Variants in ADGRB3 observed in about 807,000 individuals in gnomAD.
ADGRB3 encodes adhesion G protein-coupled receptor B3.
ADGRB3 carries 37 observed loss-of-function variants against 193.4 expected under a neutral mutation model. The observed-to-expected ratio is 0.19, with a 90% CI of 0.15 to 0.25. The LOEUF is 0.25. Ranked by LOEUF, ADGRB3 falls within the 10% of genes least tolerant of loss-of-function variation. The pLI, the probability that ADGRB3 is intolerant of heterozygous loss-of-function variation, is 1.00. For synonymous variants in ADGRB3, 690 were observed against 644.2 expected, an observed-to-expected ratio of 1.07 and a Z score of -1.08; for missense variants, 1,637 against 1,852.9, an observed-to-expected ratio of 0.88 and a Z score of 2.14.
Position 68,880,176 on chromosome 6 carries a change from T to C in ADGRB3, c.758-50383T>C, listed in dbSNP as rs1014980366. Among the ~76,000 whole-genome samples, 3 of 152,074 alleles carry C rather than the reference T, an allele frequency of 2.0e-5. No homozygotes were observed. The East Asian group carries it at 5.8e-4, about 29-fold the overall frequency. ...CAGCCACTGCCTGGGATAAGGGGAG[T>C]GTACTGCAGAGAACTGGCTGATGGC... On this transcript the variant is annotated intron_variant, in intron 3 of 31. Coordinates refer to ENST00000370598, the MANE Select transcript of ADGRB3 (RefSeq NM_001704.3).
intron 30 of ADGRB3, among the ~76,000 whole-genome samples, chr6:69,376,053 T>C (rs929312409): frequency 9.3e-5 from 14 of 150,674 alleles, no homozygotes; most frequent in African/African-American, 3.4e-4. Flanking sequence ...GATAAAAATT[T>C]TCACAGTTTT....
At chr6:69,062,679 C>A (rs182900555) in intron 15 of ADGRB3, among the ~76,000 whole-genome samples, 39 of 152,002 alleles carry the variant, frequency 2.6e-4, no homozygotes, top group Non-Finnish European at 4.4e-4. Flanking sequence ...TTTAAGTAAT[C>A]AAAAGCTTAT....
chr6:69,366,038 C>T (rs1769560058), intron 29 of ADGRB3, among the ~76,000 whole-genome samples: 1 of 152,074 alleles, frequency 6.6e-6, no homozygotes, highest in Non-Finnish European at 1.5e-5. Flanking sequence ...GTTATGGCCT[C>T]ACTCAGGAAC....
chr6:68,920,482 A>C (rs1767006813), intron 3 of ADGRB3, among the ~76,000 whole-genome samples: 2 of 133,828 alleles, frequency 1.5e-5, no homozygotes, highest in African/African-American at 5.7e-5. Flanking sequence ...CCGCCATTGC[A>C]CTCCAGCCTC....
chr6:68,705,921 T>C (rs1377572905), intron 3 of ADGRB3, among the ~76,000 whole-genome samples: 1 of 152,112 alleles, frequency 6.6e-6, no homozygotes, highest in Admixed American at 6.5e-5. Flanking sequence ...CTAACCCAGC[T>C]TGACAGGATT....
Position 68,638,759 on chromosome 6 carries a change from C to A in ADGRB3, c.84C>A (p.Phe28Leu). Residue 28 changes from phenylalanine to leucine, a missense_variant, in exon 3 of 32, where the codon TTC becomes TTA. This residue lies in a region of ADGRB3 where 365 missense variants were observed against 409.8 expected (regional missense o/e 0.89). Coordinates refer to ENST00000370598, the MANE Select transcript of ADGRB3 (RefSeq NM_001704.3). Reference protein sequence around the residue: ...VMFGFNAAQDFWCSTLVKGVI... With the variant: ...VMFGFNAAQDLWCSTLVKGVI... The stretch of plus-strand genomic sequence containing the variant: ...TTGGATTTAATGCTGCCCAAGACTT[C>A]TGGTGTTCAACTTTGGTGAAGGGAG... The A allele has an allele frequency of 6.2e-7, 1 of 1,614,132 alleles. No homozygotes were observed. The highest frequency in any genetic ancestry group is 8.5e-7 in the Non-Finnish European group (1 of 1,180,012).
chr6:69,206,335 G>A (rs924120932), intron 17 of ADGRB3, among the ~76,000 whole-genome samples: 1 of 151,636 alleles, frequency 6.6e-6, no homozygotes, highest in Non-Finnish European at 1.5e-5. Flanking sequence ...ATTAAGAGTG[G>A]GCCTCCCTTT....
chr6:68,643,178 A>T (rs1768121908), intron 3 of ADGRB3, among the ~76,000 whole-genome samples: 2 of 152,148 alleles, frequency 1.3e-5, no homozygotes, highest in South Asian at 4.1e-4. Context: ...CTGAACACAC[A>T]CACTCATTTG....
At chr6:68,697,533 C>T (rs913861041) in intron 3 of ADGRB3, among the ~76,000 whole-genome samples, 12 of 151,868 alleles carry the variant, frequency 7.9e-5, no homozygotes, top group African/African-American at 1.9e-4. Context: ...TTGACTCATA[C>T]TACTTATCTT....
At chr6:69,141,145 A>C (rs1410356514) in intron 17 of ADGRB3, among the ~76,000 whole-genome samples, 2 of 120,904 alleles carry the variant, frequency 1.7e-5, no homozygotes, top group Admixed American at 8.8e-5. Context: ...GGCGGTGGGG[A>C]CGGAGTCTTG....
At chr6:69,204,716 T>TCATCTCCTATTGC (rs1277275258) in intron 17 of ADGRB3, among the ~76,000 whole-genome samples, 2 of 152,212 alleles carry the variant, frequency 1.3e-5, no homozygotes, top group East Asian at 3.8e-4. Flanking sequence ...ATTAAAAGAA[T>TCATCTCCTATTGC]CATCTCCTAT....
At chr6:68,839,995 A>G (rs1404344554) in intron 3 of ADGRB3, among the ~76,000 whole-genome samples, 1 of 152,272 alleles carries the variant, frequency 6.6e-6, no homozygotes, top group East Asian at 1.9e-4. Flanking sequence ...GCAGGTGCCC[A>G]TAGAAGCAGC....
intron 12 of ADGRB3, among the ~76,000 whole-genome samples, chr6:69,014,875 C>T (rs1347791879): frequency 2.0e-5 from 3 of 151,732 alleles, no homozygotes; most frequent in African/African-American, 2.4e-5. Context: ...TACTGAGGTT[C>T]GGGTTTTCCC....
chr6:69,037,781 T>C (rs1253301813), intron 13 of ADGRB3, among the ~76,000 whole-genome samples: 1 of 152,150 alleles, frequency 6.6e-6, no homozygotes, highest in Non-Finnish European at 1.5e-5. Flanking sequence ...TGTGTCATTT[T>C]CTCAATATCT....
chr6:69,175,835 C>T (rs915580392), intron 17 of ADGRB3, among the ~76,000 whole-genome samples: 2 of 152,010 alleles, frequency 1.3e-5, no homozygotes, highest in African/African-American at 2.4e-5. Flanking sequence ...TGTGGTTTTC[C>T]TTGTAGAGAT....
intron 20 of ADGRB3, among the ~76,000 whole-genome samples, chr6:69,271,674 A>G (rs371796190): frequency 3.9e-5 from 6 of 152,152 alleles, no homozygotes; most frequent in African/African-American, 1.4e-4. Flanking sequence ...AAACATACTT[A>G]GTATCTCTCT....
At chr6:68,800,155 G>C (rs549847974) in intron 3 of ADGRB3, among the ~76,000 whole-genome samples, 2 of 152,248 alleles carry the variant, frequency 1.3e-5, no homozygotes, top group South Asian at 4.1e-4. Context: ...GAATTGAAGA[G>C]TGGTTAAATT....
At chr6:68,935,349 G>A (rs1767458849) in intron 4 of ADGRB3, among the ~76,000 whole-genome samples, 1 of 152,154 alleles carries the variant, frequency 6.6e-6, no homozygotes, top group Non-Finnish European at 1.5e-5. Flanking sequence ...GCTGCCTTGA[G>A]TAGCACTGCA....
Position 69,289,987 on chromosome 6 carries a change from T to C in ADGRB3, c.2815-34885T>C, listed in dbSNP as rs536620565. 2.0e-5 allele frequency among the ~76,000 whole-genome samples: 3 copies of C among 152,162 alleles called. No individual in the cohort carries two copies. In the East Asian group the frequency reaches 5.8e-4, roughly 29 times the overall value. ...TTGGATACCCACAAACATTGGATTT[T>C]CTTAGTGGAAGCTTGTGTTTTCACT... On this transcript the variant is annotated intron_variant, in intron 20 of 31. Coordinates refer to ENST00000370598, the MANE Select transcript of ADGRB3 (RefSeq NM_001704.3).
Sources: gnomAD v4.1 joint callset for allele counts (sites outside exome capture counted in the v4.1 genomes callset) on GRCh38, gnomAD v4.1.1 for gene constraint, gnomAD v4.1.1 regional missense constraint, MANE v1.5 for transcripts, NCBI Gene and HGNC (gene_info 2026-07-23, HGNC 2026-07-21) for gene names.